KLHL2: variants seen among roughly 807,000 people sequenced by gnomAD.
KLHL2 encodes the protein kelch-like protein 2.
KLHL2 carries 15 observed loss-of-function variants against 75.8 expected under a neutral mutation model. The observed-to-expected ratio is 0.20, with a 90% CI of 0.13 to 0.30. The LOEUF (loss-of-function observed/expected upper bound fraction) is 0.30. KLHL2 is among the 10% of genes least tolerant of loss of function. The pLI, the probability that KLHL2 is intolerant of heterozygous loss-of-function variation, is 1.00. For missense variants in KLHL2, 381 were observed against 741.0 expected (o/e 0.51, Z 5.64); for synonymous variants, 214 against 251.9 (o/e 0.85, Z 1.42).
At chr4:165,242,396 A>G (rs534009458) in intron 4 of KLHL2, among the ~76,000 whole-genome samples, 4 of 152,340 alleles carry the variant, frequency 2.6e-5, no homozygotes, top group Non-Finnish European at 5.9e-5. Context: ...ATCTGCACAA[A>G]GTTTTGCATA....
intron 8 of KLHL2, among the ~76,000 whole-genome samples, chr4:165,301,707 T>C (rs1745360903): frequency 6.6e-6 from 1 of 152,218 alleles, no homozygotes; most frequent in African/African-American, 2.4e-5. Context: ...TTTATTATTT[T>C]ATGTAAGTCT....
intron 4 of KLHL2, among the ~76,000 whole-genome samples, chr4:165,250,222 A>T (rs1398573082): frequency 1.3e-5 from 2 of 152,214 alleles, no homozygotes; most frequent in East Asian, 1.9e-4. Flanking sequence ...TGCTCCTCCA[A>T]CATTGCCCTC....
intron 1 of KLHL2, among the ~76,000 whole-genome samples, chr4:165,218,811 C>T (rs2110977466): frequency 6.6e-6 from 1 of 152,312 alleles, no homozygotes; most frequent in South Asian, 2.1e-4. Context: ...AGAAGTGCAG[C>T]AATTAATAAT....
At chr4:165,260,831 A>G (rs566095883) in intron 4 of KLHL2, among the ~76,000 whole-genome samples, 59 of 152,200 alleles carry the variant, frequency 3.9e-4, no homozygotes, top group Non-Finnish European at 6.8e-4. Context: ...TAGCATATCT[A>G]TAGGTTAAAT....
chr4:165,290,130 A>C (rs547260704), intron 5 of KLHL2, among the ~76,000 whole-genome samples: 1 of 151,830 alleles, frequency 6.6e-6, no homozygotes, highest in Non-Finnish European at 1.5e-5. Context: ...TTATTTCTCA[A>C]TATTTTAGAG....
chr4:165,291,591 T>G (rs1175215977), intron 5 of KLHL2, among the ~76,000 whole-genome samples: 1 of 152,198 alleles, frequency 6.6e-6, no homozygotes, highest in African/African-American at 2.4e-5. Flanking sequence ...CTCTTCTTTT[T>G]CTATTGAATT....
chr4:165,260,418 T>C (rs907830113), intron 4 of KLHL2, among the ~76,000 whole-genome samples: 7 of 152,224 alleles, frequency 4.6e-5, no homozygotes, highest in African/African-American at 1.2e-4. Flanking sequence ...TATTTCTACC[T>C]AGATGACTTG....
chr4:165,284,439 G>A (rs536079710), intron 5 of KLHL2, among the ~76,000 whole-genome samples: 39 of 152,102 alleles, frequency 2.6e-4, no homozygotes, highest in Admixed American at 6.5e-4. Context: ...ACAAAATGCC[G>A]CCAGTCTCTT....
At chr4:165,300,260 A>G (rs185282708) in intron 8 of KLHL2, among the ~76,000 whole-genome samples, 1 of 151,760 alleles carries the variant, frequency 6.6e-6, no homozygotes, top group African/African-American at 2.4e-5. Context: ...ACTGCACTCC[A>G]GTCTGGGCAA....
chr4:165,238,964 C>T, intron 4 of KLHL2, 65 bp downstream of exon 4: 1 of 1,552,002 alleles, frequency 6.4e-7, no homozygotes, highest in African/African-American at 1.4e-5. Context: ...AAAAAAAGCA[C>T]ACCCACACAG....
Position 165,234,539 on chromosome 4 carries a change from T to C in KLHL2, c.260-4239T>C, listed in dbSNP as rs1579006962. On this transcript the variant is annotated intron_variant, in intron 3 of 14. Coordinates refer to ENST00000226725, the MANE Select transcript of KLHL2 (RefSeq NM_007246.4). Reference sequence around the variant, plus strand: ...TTCATTTATACATTGGATAAATTCATTTTGCAATGGATAAGTGAAGTTACC... The same window carrying C: ...TTCATTTATACATTGGATAAATTCACTTTGCAATGGATAAGTGAAGTTACC... 3.3e-5 allele frequency among the ~76,000 whole-genome samples: 5 copies of C among 152,088 alleles called. No individual in the cohort carries two copies. In the East Asian group the frequency reaches 9.6e-4, roughly 29 times the overall value.
intron 5 of KLHL2, among the ~76,000 whole-genome samples, chr4:165,264,722 A>G (rs1198098891): frequency 1.8e-3 from 116 of 64,240 alleles, no homozygotes; most frequent in African/African-American, 6.0e-3. Flanking sequence ...ATATATATAC[A>G]TATATATATA....
intron 8 of KLHL2, among the ~76,000 whole-genome samples, chr4:165,300,020 G>A (rs541206827): frequency 6.6e-6 from 1 of 152,282 alleles, no homozygotes; most frequent in African/African-American, 2.4e-5. Context: ...GGGGTGCTGT[G>A]ATTCATGCCT....
chr4:165,296,440 G>C (rs1041419409), intron 6 of KLHL2, among the ~76,000 whole-genome samples: 1 of 152,224 alleles, frequency 6.6e-6, no homozygotes, highest in Admixed American at 6.5e-5. Flanking sequence ...GGCTGCTTAA[G>C]ACCTACCTTC....
chr4:165,321,410 A>G (rs761135066), intron 14 of KLHL2: 4 of 408,180 alleles, frequency 9.8e-6, no homozygotes, highest in African/African-American at 6.2e-5. Context: ...GACTTTTTAA[A>G]TAACATTTCC....
intron 4 of KLHL2, among the ~76,000 whole-genome samples, chr4:165,257,854 A>G (rs1397473339): frequency 1.3e-5 from 2 of 151,956 alleles, no homozygotes; most frequent in Admixed American, 1.3e-4. Context: ...AAGACAGTAA[A>G]CATGGGAACA....
chr4:165,221,746 T>C (rs1307527317), intron 2 of KLHL2, among the ~76,000 whole-genome samples: 1 of 152,220 alleles, frequency 6.6e-6, no homozygotes, highest in Non-Finnish European at 1.5e-5. Context: ...ATTTGCTTTC[T>C]AGTACCGCTT....
At chr4:165,278,924 C>A in intron 5 of KLHL2, 1 of 1,414,080 alleles carries the variant, frequency 7.1e-7, no homozygotes, top group Non-Finnish European at 1.0e-6. Flanking sequence ...TTTCATTAGG[C>A]CATAGATCTC....
chr4:165,279,307 C>A, intron 5 of KLHL2: 1 of 1,554,144 alleles, frequency 6.4e-7, no homozygotes, highest in Non-Finnish European at 8.9e-7. Context: ...GATCAAGCCA[C>A]ACCACAGCAT....
Sources: allele counts gnomAD v4.1 joint callset (sites outside exome capture counted in the v4.1 genomes callset), GRCh38; gene constraint gnomAD v4.1.1; transcripts MANE v1.5; gene names NCBI Gene and HGNC (gene_info 2026-07-23, HGNC 2026-07-21).